RPL34: variants seen among roughly 807,000 people sequenced by gnomAD.
The protein encoded by RPL34 is ribosomal protein L34.
A neutral mutation model predicts 16.3 loss-of-function variants in RPL34; 2 were observed. That is an observed-to-expected ratio of 0.12 (90% CI 0.05 to 0.39). The LOEUF (loss-of-function observed/expected upper bound fraction) is 0.39. Ranked by LOEUF, RPL34 falls within the 10% of genes least tolerant of loss-of-function variation. The pLI is 0.99. For synonymous variants in RPL34, 47 were observed against 48.5 expected (o/e 0.97, Z 0.13); for missense variants, 82 against 148.8 (o/e 0.55, Z 2.33).
At chr4:108,626,155 C>G (rs536707596), downstream of RPL34, among the ~76,000 whole-genome samples, 2 of 152,216 alleles carry the variant, frequency 1.3e-5, no homozygotes, top group East Asian at 3.9e-4. Context: ...GTGTTTCTGC[C>G]AGCTCAGACA....
At chr4:108,625,525 A>G (rs1715685038), downstream of RPL34, 2 of 228,732 alleles carry the variant, frequency 8.7e-6, no homozygotes, top group Non-Finnish European at 1.7e-5. Context: ...AGCTGGGATT[A>G]TAGGCATGTG....
rs149893323 is a variant in RPL34, at chr4:108,622,095, C to T, written c.66-10C>T. ...CAAAATGCTGACCTACTGACTGTTT[C>T]ACTTTCTAGGTCCCGAACCCCTGGT... On this transcript the variant is annotated splice_polypyrimidine_tract_variant and intron_variant, in intron 2 of 4. Transcript: ENST00000394667. 14,155 of 1,608,630 alleles carry T rather than the reference C, an allele frequency of 8.8e-3. 102 individuals carry two copies. The highest frequency in any genetic ancestry group is 0.016 in the Middle Eastern group (94 of 6,058).
At chr4:108,625,900 G>C (rs6838970), downstream of RPL34, among the ~76,000 whole-genome samples, 4,174 of 152,220 alleles carry the variant, frequency 0.027, 123 homozygotes, top group Middle Eastern at 0.16. Context: ...TCATAGGATA[G>C]AAACCTTGGT....
At chr4:108,627,308 G>C (rs1316414282), downstream of RPL34, among the ~76,000 whole-genome samples, 1 of 152,050 alleles carries the variant, frequency 6.6e-6, no homozygotes, top group Non-Finnish European at 1.5e-5. Context: ...TCAACACTTG[G>C]GATGCTGAGG....
At chr4:108,629,311 A>C (rs1022948050), downstream of RPL34, among the ~76,000 whole-genome samples, 1 of 152,226 alleles carries the variant, frequency 6.6e-6, no homozygotes, top group Non-Finnish European at 1.5e-5. Flanking sequence ...TGAAATTTAC[A>C]TGCTATAATT....
intron 3 of RPL34, 55 bp downstream of exon 3, chr4:108,622,259 T>TC (rs1219152399): frequency 7.9e-7 from 1 of 1,272,200 alleles, no homozygotes; most frequent in African/African-American, 1.5e-5. Flanking sequence ...TACTGAGCTT[T>TC]CATCCCTTGA....
At chr4:108,621,028 G>C (rs574267145) in intron 1 of RPL34, 2 of 152,354 alleles carry the variant, frequency 1.3e-5, no homozygotes, top group South Asian at 4.1e-4. Flanking sequence ...CAAGGCCCAT[G>C]TCAAGGAAGA....
chr4:108,621,853 G>A (rs974813725), intron 1 of RPL34, 98 bp from the exon 2 acceptor site: 1 of 783,402 alleles, frequency 1.3e-6, no homozygotes, highest in African/African-American at 1.7e-5. Context: ...TTACATACAA[G>A]GATATGTATG....
chr4:108,622,263 C>A, intron 3 of RPL34, 59 bp downstream of exon 3: 2 of 1,227,660 alleles, frequency 1.6e-6, no homozygotes, highest in Non-Finnish European at 2.4e-6. Context: ...GAGCTTTCAT[C>A]CCTTGACGAT....
At position 108,625,294 on chromosome 4, in the gene RPL34, A is replaced by G. The variant is rs1725962776; in HGVS notation, c.*82A>G. ...TTTTTTTCTGTTGTAATGTGTTAGT[A>G]TACAGATTTTGTTTCTGTATGGTAT... On this transcript the variant is annotated 3_prime_UTR_variant, in exon 5 of 5. Transcript: ENST00000394667. 2 of 765,482 alleles carry G rather than the reference A, an allele frequency of 2.6e-6. No individual in the cohort carries two copies. The highest frequency in any genetic ancestry group is 4.4e-6 in the Non-Finnish European group (2 of 456,676). 47.4% of individuals were successfully genotyped at this position (765,482 alleles called of 1,614,324 possible).
chr4:108,629,008 C>T (rs1332240620), downstream of RPL34, among the ~76,000 whole-genome samples: 3 of 152,098 alleles, frequency 2.0e-5, no homozygotes, highest in African/African-American at 4.8e-5. Context: ...TTAGTAGAGA[C>T]GGGTTCGCCA....
At chr4:108,630,194 G>C (rs1490618073), downstream of RPL34, 1 of 151,956 alleles carries the variant, frequency 6.6e-6, no homozygotes, top group South Asian at 2.1e-4. Context: ...TTCCCCCAGA[G>C]AGCTGGAGGT....
At chr4:108,622,718 T>C (rs1263261692) in intron 4 of RPL34, 100 bp downstream of exon 4, 2 of 682,878 alleles carry the variant, frequency 2.9e-6, no homozygotes, top group African/African-American at 1.8e-5. Flanking sequence ...TTTAAACCAG[T>C]TGCATGCTTT....
intron 1 of RPL34, chr4:108,621,308 TAA>T (rs1217976562): frequency 6.5e-6 from 1 of 153,158 alleles, no homozygotes; most frequent in Non-Finnish European, 1.5e-5. Flanking sequence ...ACCGATTTGC[TAA>T]ATAACATCAC....
chr4:108,625,041 G>T, intron 4 of RPL34, 87 bp from the exon 5 acceptor site: 1 of 883,558 alleles, frequency 1.1e-6, no homozygotes, highest in South Asian at 1.5e-5. Context: ...GCTTTGCTTG[G>T]TTCTTTACCA....
chr4:108,621,786 C>T (rs57425444), intron 1 of RPL34, 165 bp from the exon 2 acceptor site: 6,026 of 574,092 alleles, frequency 0.01, 93 homozygotes, highest in Middle Eastern at 0.044. Flanking sequence ...GTTTATCAGT[C>T]ACCTTTAAAT....
At position 108,620,619 on chromosome 4, in the gene RPL34, T is replaced by C. The variant is rs1725714133; in HGVS notation, c.-10+19T>C. 2 of 283,786 alleles carry C rather than the reference T, an allele frequency of 7.0e-6. No homozygotes were observed. Among genetic ancestry groups the C allele is most frequent in the Non-Finnish European group, 7.2e-6 (1 of 139,270 alleles). 17.6% of individuals were successfully genotyped at this position (283,786 alleles called of 1,614,324 possible). A position where few individuals can be genotyped will look rare whatever the true frequency, so the allele number is the denominator to read the frequency against. The stretch of plus-strand genomic sequence containing the variant: ...TCTGCAGGTATGGATGTTGTTCTCT[T>C]TTCCCTGTCTTTATTTCCTTACCAA... On this transcript the variant is annotated intron_variant, in intron 1 of 4. Coordinates refer to ENST00000394667, the MANE Select transcript of RPL34 (RefSeq NM_001319236.2).
chr4:108,620,731 A>T (rs868804541), intron 1 of RPL34, 131 bp downstream of exon 1: 3 of 157,320 alleles, frequency 1.9e-5, no homozygotes, highest in African/African-American at 7.2e-5. Flanking sequence ...CACAACAGGG[A>T]GGTTGGTGGT....
At chr4:108,626,648 A>G (rs1726012484), downstream of RPL34, among the ~76,000 whole-genome samples, 1 of 152,060 alleles carries the variant, frequency 6.6e-6, no homozygotes, top group African/African-American at 2.4e-5. Context: ...CATATTGGCC[A>G]GGTTCATCTT....
Sources: allele counts gnomAD v4.1 joint callset (sites outside exome capture counted in the v4.1 genomes callset), GRCh38; gene constraint gnomAD v4.1.1; transcripts MANE v1.5; gene names NCBI Gene and HGNC (gene_info 2026-07-23, HGNC 2026-07-21).